The following ARMC12 variants were observed in gnomAD, a reference collection of about 807,000 sequenced individuals.
The protein encoded by ARMC12 is armadillo repeat-containing protein 12.
In ARMC12, 25 loss-of-function variants were observed where a neutral mutation model predicts 37.4. The ratio of observed to expected loss-of-function variants is 0.67; its 90% confidence interval spans 0.49 to 0.93. ARMC12 has a LOEUF of 0.93. ARMC12 is among the 40% of genes least tolerant of loss of function. The probability of loss-of-function intolerance (pLI) is 0.00; values close to 1 mark genes in which losing one functional copy is unlikely to be tolerated. For missense variants in ARMC12, 384 were observed against 426.6 expected, an observed-to-expected ratio of 0.90 and a Z score of 0.88; for synonymous variants, 167 against 176.1, an observed-to-expected ratio of 0.95 and a Z score of 0.41.
chr6:35,736,355 T>G (rs1581917431), upstream of ARMC12, among the ~76,000 whole-genome samples: 1 of 151,948 alleles, frequency 6.6e-6, no homozygotes, highest in Admixed American at 6.6e-5. Context: ...GGTGGAGAGA[T>G]CACATATGGG....
chr6:35,748,432 G>A (rs1767404219), intron 5 of ARMC12, 106 bp from the exon 6 acceptor site: 2 of 953,428 alleles, frequency 2.1e-6, no homozygotes, highest in Admixed American at 3.4e-5. Flanking sequence ...ACTCGAGTCT[G>A]AAATTTAGGT....
intron 2 of ARMC12, 97 bp from the exon 3 acceptor site, chr6:35,738,287 G>GGA (rs1554141439): frequency 1.1e-5 from 11 of 1,015,790 alleles, no homozygotes; most frequent in East Asian, 9.8e-5. Context: ...TGATAGCGGT[G>GGA]GGGGGGGGGT....
In ARMC12 at chr6:35,744,539, G is replaced by A. The variant is rs191448741; in HGVS notation, c.445-2722G>A. On this transcript the variant is annotated intron_variant, in intron 3 of 5. Transcript: ENST00000373866. ...TGTTAGGCCAGGCATGGGGGATCAC[G>A]AGGTCAGGGGTTTGAGACCAGCCTG... Among the ~76,000 whole-genome samples the A allele has an allele frequency of 9.9e-4, 150 of 152,188 alleles. No individual in the cohort carries two copies. In the East Asian group the frequency reaches 0.018, roughly 18 times the overall value.
chr6:35,742,343 A>T (rs1014417370), intron 3 of ARMC12, among the ~76,000 whole-genome samples: 28 of 151,582 alleles, frequency 1.8e-4, no homozygotes, highest in African/African-American at 6.1e-4. Context: ...TAAAAATACA[A>T]AAATTAGCCG....
chr6:35,732,036 C>T (rs1220733632), upstream of ARMC12, among the ~76,000 whole-genome samples: 1 of 151,902 alleles, frequency 6.6e-6, no homozygotes, highest in Non-Finnish European at 1.5e-5. Flanking sequence ...CTGTGCCCGT[C>T]GCCGGATGCG....
At chr6:35,738,292 G>GGGGC in intron 2 of ARMC12, 92 bp from the exon 3 acceptor site, 1 of 1,430,282 alleles carries the variant, frequency 7.0e-7, no homozygotes, top group African/African-American at 1.4e-5. Flanking sequence ...GCGGTGGGGG[G>GGGGC]GGGGTGTGCG....
intron 2 of ARMC12, 99 bp from the exon 3 acceptor site, chr6:35,738,285 G>A (rs557929688): frequency 1.8e-6 from 2 of 1,135,800 alleles, no homozygotes; most frequent in South Asian, 1.7e-5. Flanking sequence ...GCTGATAGCG[G>A]TGGGGGGGGG....
At chr6:35,742,454 G>A (rs62402156) in intron 3 of ARMC12, among the ~76,000 whole-genome samples, 3,968 of 127,204 alleles carry the variant, frequency 0.031, 146 homozygotes, top group African/African-American at 0.11. Flanking sequence ...CCAAGATCAC[G>A]CCACTGCACT....
chr6:35,749,071 C>A lies in ARMC12; in HGVS notation c.*201C>A. 1.9e-6 allele frequency: 1 copy of A among 516,314 alleles called. No individual in the cohort carries two copies. The allele number at this position is 516,314 out of a possible 1,614,324, so 32.0% of individuals were successfully genotyped here. ...GGGGACTAGCTCCCCTCTTCTCTTG[C>A]TGCTTTTCTTTCTTTTTTTTTTTTT... On this transcript the variant is annotated 3_prime_UTR_variant, in exon 6 of 6. Transcript: ENST00000373866.
intron 3 of ARMC12, among the ~76,000 whole-genome samples, chr6:35,743,952 A>T (rs1357163315): frequency 1.3e-5 from 2 of 151,888 alleles, no homozygotes; most frequent in Non-Finnish European, 2.9e-5. Flanking sequence ...TCTCAAAAAA[A>T]AAAAAAGAAA....
In ARMC12 at chr6:35,738,470, T is replaced by C; in HGVS notation, c.396T>C (p.Asn132=). The part of the protein sequence containing the change: ...KDNSVKTQAL[N]TLKAFSGIRK... The stretch of plus-strand genomic sequence containing the variant: ...ACAGTGTCAAAACCCAAGCTCTGAA[T>C]ACACTTAAAGCTTTCTCTGGCATCA... The change falls in exon 3 of 6, where the codon AAT becomes AAC. Residue 132 remains asparagine (N), a synonymous_variant. Transcript: ENST00000373866. 6.2e-7 allele frequency: 1 copy of C among 1,613,990 alleles called. No homozygotes were observed. The highest frequency in any genetic ancestry group is 8.5e-7 in the Non-Finnish European group (1 of 1,180,000).
At chr6:35,732,050 G>T (rs1352155424), upstream of ARMC12, among the ~76,000 whole-genome samples, 2 of 152,312 alleles carry the variant, frequency 1.3e-5, no homozygotes, top group South Asian at 4.1e-4. Context: ...GGATGCGCGC[G>T]GGGGGAGGAG....
chr6:35,737,907 G>T, intron 1 of ARMC12, 120 bp from the exon 2 acceptor site: 1 of 1,406,294 alleles, frequency 7.1e-7, no homozygotes, highest in Non-Finnish European at 9.9e-7. Flanking sequence ...CATATGGCGA[G>T]AAGGCTTCTC....
intron 2 of ARMC12, 90 bp from the exon 3 acceptor site, chr6:35,738,294 G>GGTGTGC: frequency 7.0e-7 from 1 of 1,429,926 alleles, no homozygotes; most frequent in Non-Finnish European, 9.4e-7. Flanking sequence ...GGTGGGGGGG[G>GGTGTGC]GGTGTGCGGA....
intron 3 of ARMC12, among the ~76,000 whole-genome samples, chr6:35,742,679 C>T (rs917661475): frequency 6.6e-6 from 1 of 152,054 alleles, no homozygotes; most frequent in Non-Finnish European, 1.5e-5. Context: ...GTAGTTACTC[C>T]TTGATCTCAA....
chr6:35,738,987 A>ATC (rs1767084164), intron 3 of ARMC12, among the ~76,000 whole-genome samples: 1 of 152,050 alleles, frequency 6.6e-6, no homozygotes, highest in South Asian at 2.1e-4. Flanking sequence ...CCCTTTTTAG[A>ATC]TCTACTAATT....
intron 3 of ARMC12, among the ~76,000 whole-genome samples, chr6:35,743,779 G>T (rs1291647396): frequency 6.6e-6 from 1 of 151,248 alleles, no homozygotes; most frequent in Non-Finnish European, 1.5e-5. Context: ...CTGGGTGGGG[G>T]TGATGCAGTT....
At chr6:35,746,961 G>A (rs975028152) in intron 3 of ARMC12, among the ~76,000 whole-genome samples, 1 of 145,992 alleles carries the variant, frequency 6.8e-6, no homozygotes, top group Non-Finnish European at 1.5e-5. Context: ...CCAGCATGTG[G>A]ATCGTATTTA....
At chr6:35,741,581 G>C (rs1409517970) in intron 3 of ARMC12, among the ~76,000 whole-genome samples, 1 of 151,968 alleles carries the variant, frequency 6.6e-6, no homozygotes, top group Non-Finnish European at 1.5e-5. Flanking sequence ...ACCATGCCTG[G>C]CTAATTTTTT....
Sources: gnomAD v4.1 joint callset for allele counts (sites outside exome capture counted in the v4.1 genomes callset) on GRCh38, gnomAD v4.1.1 for gene constraint, MANE v1.5 for transcripts, NCBI Gene and HGNC (gene_info 2026-07-23, HGNC 2026-07-21) for gene names.